Variants in PI4KA observed in about 807,000 individuals in gnomAD.
PI4KA encodes the protein PI4-kinase alpha.
A neutral mutation model predicts 271.4 loss-of-function variants in PI4KA; 122 were observed. That is an observed-to-expected ratio of 0.45 (90% confidence interval 0.39 to 0.52). The LOEUF (loss-of-function observed/expected upper bound fraction) is 0.52, where lower values mean the gene tolerates loss of function less well. PI4KA is among the 20% of genes least tolerant of loss of function. The pLI, the probability that PI4KA is intolerant of heterozygous loss-of-function variation, is 0.00. For missense variants in PI4KA, 1,969 were observed against 2,769.1 expected (o/e 0.71, Z 6.48); for synonymous variants, 1,041 against 1,078.8 (o/e 0.96, Z 0.69).
At position 20,720,937 on chromosome 22, in the gene PI4KA, A is replaced by G. The variant is rs553353941; in HGVS notation, c.5116+361T>C. Among the ~76,000 whole-genome samples the G allele has an allele frequency of 1.5e-4, 23 of 152,350 alleles. No homozygotes were observed. In the South Asian group the frequency reaches 4.8e-3, roughly 32 times the overall value. The stretch of plus-strand genomic sequence containing the variant: ...CCTCAATAAACATTTCTGACAGTGC[A>G]GGGGTCCTGAGGCTGTGCTATTTGG... On this transcript the variant is annotated intron_variant, in intron 43 of 54. Coordinates refer to ENST00000255882, the MANE Select transcript of PI4KA (RefSeq NM_058004.4).
chr22:20,808,981 A>G (rs1237923322), intron 9 of PI4KA, among the ~76,000 whole-genome samples: 1 of 152,180 alleles, frequency 6.6e-6, no homozygotes, highest in Non-Finnish European at 1.5e-5. Flanking sequence ...AGAAAAAAAG[A>G]ATCATGTGGA....
At position 20,715,075 on chromosome 22, in the gene PI4KA, CT is replaced by C. The variant is rs745965775; in HGVS notation, c.5318-376del. ...TGAACAGCCCTCCATTCTTGGAGTCCTTTTTTTTTTTTTTGGATAGAGTCTC... is the reference window on the plus strand; with the variant it reads ...TGAACAGCCCTCCATTCTTGGAGTCCTTTTTTTTTTTTTGGATAGAGTCTC... On this transcript the variant is annotated intron_variant, in intron 45 of 54. Coordinates refer to ENST00000255882, the MANE Select transcript of PI4KA (RefSeq NM_058004.4). 2.6e-3 allele frequency among the ~76,000 whole-genome samples: 372 copies of C among 143,890 alleles called. 1 individual carries two copies. Among genetic ancestry groups the C allele is most frequent in the Middle Eastern group, 3.6e-3 (1 of 274 alleles). 94.4% of individuals were successfully genotyped at this position (143,890 alleles called of 152,430 possible). A position where few individuals can be genotyped will look rare whatever the true frequency, so the allele number is the denominator to read the frequency against.
At chr22:20,816,296 TTTTTA>T (rs1267767355) in intron 7 of PI4KA, among the ~76,000 whole-genome samples, 4 of 152,160 alleles carry the variant, frequency 2.6e-5, no homozygotes, top group Non-Finnish European at 5.9e-5. Context: ...TCTTATTTAT[TTTTTA>T]TTTTATTTAG....
At chr22:20,785,419 TAA>T (rs1438997223) in intron 19 of PI4KA, among the ~76,000 whole-genome samples, 2 of 152,140 alleles carry the variant, frequency 1.3e-5, no homozygotes, top group Non-Finnish European at 2.9e-5. Flanking sequence ...ATGAGCTAGG[TAA>T]AAGAGTGAAG....
At chr22:20,854,266 G>A (rs934468696) in intron 1 of PI4KA, among the ~76,000 whole-genome samples, 4 of 151,826 alleles carry the variant, frequency 2.6e-5, no homozygotes, top group Non-Finnish European at 4.4e-5. Flanking sequence ...GATTACAGGC[G>A]TCCGCCACCA....
At position 20,733,835 on chromosome 22, in the gene PI4KA, G is replaced by A. The variant is rs753899699; in HGVS notation, c.4061C>T (p.Thr1354Ile). Residue 1354 changes from threonine (T) to isoleucine (I), a missense_variant, in exon 35 of 55, where the codon ACC (threonine) becomes ATC (isoleucine). Thr to Ile is a moderately conservative substitution (Grantham distance 89, BLOSUM62 -1). Transcript: ENST00000255882. ...GGCATGCAGGAGGGACAGCCCCAGG[G>A]TCAGCAGCCTGTGAGGGAGCCCCGG... ...AAIGPRFKLL[T>I]LGLSLLHADV... 21 of 1,612,042 alleles carry A rather than the reference G, an allele frequency of 1.3e-5. No homozygotes were observed. Among genetic ancestry groups the A allele is most frequent in the Non-Finnish European group, 1.7e-5 (20 of 1,179,876 alleles).
In PI4KA at chr22:20,742,675, G is replaced by T; in HGVS notation, c.3546C>A (p.Asp1182Glu). ...MMVQDLHSAL[D>E]RSHPQHYTQA... is the part of the protein sequence containing the mutation. ...GCGTGTAGTGCTGAGGATGACTGCG[G>T]TCTAAAGCTGAATGTAGATCCTGGA... is the stretch of plus-strand genomic sequence containing the variant. Residue 1182 changes from aspartate (D) to glutamate (E), a missense_variant, in exon 31 of 55, where the codon GAC becomes GAA. By Grantham distance (45) the Asp-to-Glu change is conservative. Transcript: ENST00000255882. 6.2e-7 allele frequency: 1 copy of T among 1,614,130 alleles called. No homozygotes were observed. The highest frequency in any genetic ancestry group is 8.5e-7 in the Non-Finnish European group (1 of 1,179,964).
chr22:20,714,819 G>C (rs1925769287), intron 45 of PI4KA, 119 bp from the exon 46 acceptor site: 8 of 1,198,024 alleles, frequency 6.7e-6, no homozygotes, highest in Non-Finnish European at 9.3e-6. Flanking sequence ...CGCCCCTGTG[G>C]AGGGGCCTCT....
chr22:20,734,531 G>A lies in PI4KA; in HGVS notation c.3764C>T (p.Ala1255Val), dbSNP rs1275515016. 6.2e-7 allele frequency: 1 copy of A among 1,613,994 alleles called. No individual in the cohort carries two copies. Among genetic ancestry groups the A allele is most frequent in the East Asian group, 2.2e-5 (1 of 44,884 alleles). Residue 1255 changes from alanine to valine, a missense_variant, in exon 33 of 55, where the codon GCC (alanine) becomes GTC (valine). Physicochemically the swap from Ala to Val is moderately conservative, Grantham distance 64. This residue lies in a region of PI4KA where 203 missense variants were observed against 256.8 expected (regional missense o/e 0.79). Transcript: ENST00000255882. ...TTTCTGCTCCACCGTCATGTGCCAG[G>A]CCCCTGCCATCTCCCGCATGAACTA... ...EVPFMREMAGAWHMTVEQKFG... is the reference protein window; with the variant it reads ...EVPFMREMAGVWHMTVEQKFG...
intron 19 of PI4KA, among the ~76,000 whole-genome samples, chr22:20,770,239 G>A (rs991713191): frequency 6.0e-5 from 9 of 151,166 alleles, no homozygotes; most frequent in East Asian, 2.0e-4. Context: ...CTAGCCGGGA[G>A]CAGTGGCTCA....
Position 20,803,269 on chromosome 22 carries a change from G to A in PI4KA, c.1513C>T (p.Pro505Ser), listed in dbSNP as rs748709973. The A allele has an allele frequency of 1.6e-5, 26 of 1,614,138 alleles. No individual in the cohort carries two copies. The highest frequency in any genetic ancestry group is 2.1e-5 in the Non-Finnish European group (25 of 1,179,982). ...ATGACCAGGAAGTCTCGCAAGGACG[G>A]TGTCACAGAGTGCACCACCACCGGG... ...RFPVVVHSVT[P>S]SLRDFLVIPS... The change falls in exon 13 of 55, where the codon CCG becomes TCG. Residue 505 changes from proline (P) to serine (S), a missense_variant. Transcript: ENST00000255882.
intron 14 of PI4KA, among the ~76,000 whole-genome samples, chr22:20,800,641 T>G (rs1247361277): frequency 6.8e-6 from 1 of 147,900 alleles, no homozygotes; most frequent in Non-Finnish European, 1.5e-5. Context: ...GGTGGGCGGA[T>G]CACAAGGTCA....
In PI4KA at chr22:20,799,159, G is replaced by A; in HGVS notation, c.1938C>T (p.Cys646=). 6.2e-7 allele frequency: 1 copy of A among 1,611,938 alleles called. No homozygotes were observed. Among genetic ancestry groups the A allele is most frequent in the Non-Finnish European group, 8.5e-7 (1 of 1,179,066 alleles). ...PILQILQQKF[C]QPPSPLDVLI... ...GCACATCGAGGGGGGAGGGTGGCTG[G>A]CAGAATTTCTGCTGTAGGATCTGCA... Residue 646 remains cysteine, a synonymous_variant, in exon 16 of 55, where the codon TGC becomes TGT. Coordinates refer to ENST00000255882, the MANE Select transcript of PI4KA (RefSeq NM_058004.4).
chr22:20,816,886 A>G lies in PI4KA; in HGVS notation c.856+1597T>C, dbSNP rs376791529. 1.1e-4 allele frequency among the ~76,000 whole-genome samples: 16 copies of G among 152,326 alleles called. No homozygotes were observed. In the South Asian group the frequency reaches 2.9e-3, roughly 28 times the overall value. On this transcript the variant is annotated intron_variant, in intron 7 of 54. Transcript: ENST00000255882. The stretch of plus-strand genomic sequence containing the variant: ...AAGTGGGGCAGCGGTCATGGAGAGG[A>G]GCCCTCACCACAGAGGGTGGACAAT...
chr22:20,814,517 A>T (rs1394588336), intron 7 of PI4KA, among the ~76,000 whole-genome samples: 2 of 152,280 alleles, frequency 1.3e-5, no homozygotes, highest in South Asian at 2.1e-4. Context: ...TCGAAGGCTG[A>T]GGTGGGAGGA....
In PI4KA at chr22:20,712,249, G is replaced by C. The variant is rs150010924; in HGVS notation, c.5802+237C>G. 2,223 of 278,472 alleles carry C rather than the reference G, an allele frequency of 8.0e-3. 12 individuals carry two copies. Among genetic ancestry groups the C allele is most frequent in the South Asian group, 0.017 (122 of 7,226 alleles). The allele number at this position is 278,472 out of a possible 1,614,324, so 17.3% of individuals were successfully genotyped here. On this transcript the variant is annotated intron_variant, in intron 50 of 54. Coordinates refer to ENST00000255882, the MANE Select transcript of PI4KA (RefSeq NM_058004.4). ...ATTTTTGTATTTTTAGTAGAGACAG[G>C]GTTCACCATTTTGGCCAGGATGGTT...
intron 19 of PI4KA, among the ~76,000 whole-genome samples, chr22:20,777,827 A>T (rs1933425166): frequency 6.6e-6 from 1 of 152,212 alleles, no homozygotes; most frequent in Non-Finnish European, 1.5e-5. Context: ...TTTGGCAGTC[A>T]AAACAGATTT....
intron 2 of PI4KA, among the ~76,000 whole-genome samples, chr22:20,834,948 G>C (rs752315777): frequency 6.6e-6 from 1 of 152,134 alleles, no homozygotes; most frequent in Non-Finnish European, 1.5e-5. Context: ...CTGGGGGCTG[G>C]GCCTCTCCAG....
chr22:20,740,759 T>C (rs1350134210), intron 32 of PI4KA, among the ~76,000 whole-genome samples: 1 of 152,194 alleles, frequency 6.6e-6, no homozygotes, highest in Admixed American at 6.5e-5. Flanking sequence ...GACTGTTGAC[T>C]TCTCTCCAGA....
Sources: allele counts gnomAD v4.1 joint callset (sites outside exome capture counted in the v4.1 genomes callset), GRCh38; gene constraint gnomAD v4.1.1; regional missense constraint gnomAD v4.1.1; transcripts MANE v1.5; gene names NCBI Gene and HGNC (gene_info 2026-07-23, HGNC 2026-07-21).